Variants in FHIT observed in about 807,000 individuals in gnomAD.
FHIT encodes bis(5'-adenosyl)-triphosphatase.
A neutral mutation model predicts 17.9 loss-of-function variants in FHIT; 19 were observed. The observed-to-expected ratio is 1.06, with a 90% CI of 0.74 to 1.56. The LOEUF (loss-of-function observed/expected upper bound fraction) is 1.56. Ranked by LOEUF, FHIT falls within the 40% of genes most tolerant of loss-of-function variation. The pLI, the probability that FHIT is intolerant of heterozygous loss-of-function variation, is 0.00. For missense variants in FHIT, 248 were observed against 189.2 expected (o/e 1.31, Z -1.82); for synonymous variants, 81 against 69.7 (o/e 1.16, Z -0.81).
chr3:60,601,306 A>C (rs2038438978), intron 4 of FHIT, among the ~76,000 whole-genome samples: 1 of 152,124 alleles, frequency 6.6e-6, no homozygotes, highest in African/African-American at 2.4e-5. Context: ...GCTGCCTGAA[A>C]GCCTTGTGAT....
At chr3:59,860,985 G>C (rs925443925) in intron 8 of FHIT, among the ~76,000 whole-genome samples, 1 of 152,000 alleles carries the variant, frequency 6.6e-6, no homozygotes, top group Admixed American at 6.6e-5. Flanking sequence ...CTTGTGCCTG[G>C]GTCTGAAGAG....
chr3:59,981,296 G>A (rs3772489), intron 7 of FHIT, among the ~76,000 whole-genome samples: 11,483 of 152,076 alleles, frequency 0.076, 490 homozygotes, highest in African/African-American at 0.1. Context: ...GAATGCCCCT[G>A]TATGAGGAAG....
intron 5 of FHIT, among the ~76,000 whole-genome samples, chr3:60,436,362 T>G (rs2030238765): frequency 2.0e-5 from 3 of 152,088 alleles, no homozygotes; most frequent in Admixed American, 1.3e-4. Flanking sequence ...TACCACATTT[T>G]CTTTATCCAG....
At chr3:60,484,777 A>C (rs961748934) in intron 5 of FHIT, among the ~76,000 whole-genome samples, 3 of 152,248 alleles carry the variant, frequency 2.0e-5, no homozygotes, top group African/African-American at 7.2e-5. Context: ...TGCCAAAAGC[A>C]ATTGCAACAA....
intron 5 of FHIT, among the ~76,000 whole-genome samples, chr3:60,174,837 C>T (rs576088764): frequency 2.8e-4 from 43 of 152,114 alleles, no homozygotes; most frequent in African/African-American, 1.0e-3. Context: ...TTCCCCAGCC[C>T]CTAGAAATGA....
At chr3:59,869,484 C>CTTTTTTTT (rs59589849) in intron 8 of FHIT, among the ~76,000 whole-genome samples, 6 of 105,486 alleles carry the variant, frequency 5.7e-5, no homozygotes, top group East Asian at 3.0e-4. Flanking sequence ...AAAGAACATC[C>CTTTTTTTT]TTTTTTTTTT....
chr3:60,988,977 A>C (rs1331272426), intron 3 of FHIT, among the ~76,000 whole-genome samples: 1 of 103,732 alleles, frequency 9.6e-6, no homozygotes, highest in Admixed American at 9.9e-5. Flanking sequence ...AAAAAAAAAC[A>C]AGATAATTTG....
chr3:61,079,608 T>C (rs1354527270), intron 2 of FHIT, among the ~76,000 whole-genome samples: 1 of 152,218 alleles, frequency 6.6e-6, no homozygotes, highest in Admixed American at 6.5e-5. Context: ...CTCTAGTGTC[T>C]ATGTAATTTA....
chr3:61,010,142 C>G (rs953493063), intron 3 of FHIT, among the ~76,000 whole-genome samples: 8 of 151,926 alleles, frequency 5.3e-5, no homozygotes, highest in African/African-American at 1.9e-4. Context: ...TCAATTATTA[C>G]CAAAAATGTC....
intron 4 of FHIT, among the ~76,000 whole-genome samples, chr3:60,733,258 G>T (rs1553711790): frequency 6.6e-6 from 1 of 152,124 alleles, no homozygotes; most frequent in Non-Finnish European, 1.5e-5. Context: ...AGGAATTCAG[G>T]CAGAATGTTG....
intron 8 of FHIT, among the ~76,000 whole-genome samples, chr3:59,918,171 T>C (rs527778279): frequency 1.3e-5 from 2 of 152,362 alleles, no homozygotes; most frequent in Middle Eastern, 6.8e-3. Flanking sequence ...TTTTAAATTA[T>C]GTTAGAACTA....
chr3:60,054,740 C>T (rs972051470), intron 5 of FHIT, among the ~76,000 whole-genome samples: 1 of 152,150 alleles, frequency 6.6e-6, no homozygotes, highest in Non-Finnish European at 1.5e-5. Flanking sequence ...AATTCTACAT[C>T]ATTTTCTTTG....
At chr3:60,641,688 T>C (rs1553685323) in intron 4 of FHIT, among the ~76,000 whole-genome samples, 2 of 152,148 alleles carry the variant, frequency 1.3e-5, no homozygotes, top group African/African-American at 4.8e-5. Context: ...ACCATCCTTC[T>C]TCTGGTCCCT....
chr3:60,626,986 T>C (rs1403135531), intron 4 of FHIT, among the ~76,000 whole-genome samples: 1 of 152,152 alleles, frequency 6.6e-6, no homozygotes, highest in African/African-American at 2.4e-5. Flanking sequence ...ATTGATATGC[T>C]ATATTACATT....
chr3:60,562,651 C>G (rs986063465), intron 4 of FHIT, among the ~76,000 whole-genome samples: 4 of 152,098 alleles, frequency 2.6e-5, no homozygotes, highest in African/African-American at 9.7e-5. Flanking sequence ...TCAGCATCAC[C>G]CAAGAGCTTG....
chr3:60,997,891 A>AATAAT (rs1197232702), intron 3 of FHIT, among the ~76,000 whole-genome samples: 1 of 152,246 alleles, frequency 6.6e-6, no homozygotes, highest in African/African-American at 2.4e-5. Context: ...TAGGCCAAGG[A>AATAAT]ATAATATTAT....
chr3:59,818,632 A>C (rs143788478), intron 8 of FHIT, among the ~76,000 whole-genome samples: 2 of 152,214 alleles, frequency 1.3e-5, no homozygotes, highest in African/African-American at 2.4e-5. Flanking sequence ...ATTTGCTTTT[A>C]TTAGATACAG....
chr3:60,774,287 T>C (rs1307989733), intron 4 of FHIT, among the ~76,000 whole-genome samples: 1 of 152,178 alleles, frequency 6.6e-6, no homozygotes, highest in Non-Finnish European at 1.5e-5. Context: ...TATACATATT[T>C]ATGATAAAAT....
chr3:60,131,048 T>C (rs111997759), intron 5 of FHIT, among the ~76,000 whole-genome samples: 10,650 of 97,386 alleles, frequency 0.11, 227 homozygotes, highest in Non-Finnish European at 0.15. Flanking sequence ...TATATACACA[T>C]ATATACATAC....
Sources: allele counts gnomAD v4.1 joint callset (sites outside exome capture counted in the v4.1 genomes callset), GRCh38; gene constraint gnomAD v4.1.1; transcripts MANE v1.5; gene names NCBI Gene and HGNC (gene_info 2026-07-23, HGNC 2026-07-21).